Variants in KLHL32 observed in about 807,000 individuals in gnomAD.
KLHL32 encodes kelch like family member 32, also known as kelch-like protein 32.
KLHL32 carries 35 observed loss-of-function variants against 64.8 expected under a neutral mutation model. That is an observed-to-expected ratio of 0.54 (90% CI 0.41 to 0.72). The LOEUF is 0.72. Among genes scored for constraint, KLHL32 ranks in the 30% least tolerant of loss-of-function variants. The probability of loss-of-function intolerance (pLI) is 0.00; values close to 1 mark genes in which losing one functional copy is unlikely to be tolerated. For synonymous variants in KLHL32, 259 were observed against 281.0 expected (o/e 0.92, Z 0.78); for missense variants, 589 against 768.5 (o/e 0.77, Z 2.76).
chr6:96,898,153 T>C, the KLHL32 span, among the ~76,000 whole-genome samples: 2 of 152,216 alleles, frequency 1.3e-5, no homozygotes, highest in Non-Finnish European at 2.9e-5. Context: ...CCCCAGACTT[T>C]CTGATTTAAT....
chr6:97,122,934 A>G (rs888149746), intron 7 of KLHL32, among the ~76,000 whole-genome samples: 1 of 152,210 alleles, frequency 6.6e-6, no homozygotes, highest in Non-Finnish European at 1.5e-5. Flanking sequence ...AGAGAACTTG[A>G]GATGGTTTTC....
intron 1 of KLHL32, among the ~76,000 whole-genome samples, chr6:96,964,170 TGAG>T (rs10566984): frequency 0.2 from 30,038 of 151,910 alleles, 3,179 homozygotes; most frequent in African/African-American, 0.27. Context: ...TTCTGGATTC[TGAG>T]GAGGGGAACT....
At chr6:97,025,017 T>C (rs756598422) in intron 3 of KLHL32, 350 of 985,182 alleles carry the variant, frequency 3.6e-4, no homozygotes, top group Non-Finnish European at 4.1e-4. Context: ...CTCAGCTTCA[T>C]CCAAAAGAAG....
chr6:97,136,818 A>G (rs1800072232), intron 10 of KLHL32, among the ~76,000 whole-genome samples: 1 of 152,208 alleles, frequency 6.6e-6, no homozygotes, highest in Admixed American at 6.5e-5. Context: ...TCTGCTTAAC[A>G]TATGCAGTCT....
chr6:97,127,125 C>T (rs1055037954), intron 7 of KLHL32, among the ~76,000 whole-genome samples: 2 of 152,170 alleles, frequency 1.3e-5, no homozygotes, highest in East Asian at 3.8e-4. Context: ...ATACTTTGCC[C>T]CTCATTCTGG....
intron 1 of KLHL32, among the ~76,000 whole-genome samples, chr6:96,957,511 A>G (rs1176542553): frequency 6.6e-6 from 1 of 152,222 alleles, no homozygotes; most frequent in Non-Finnish European, 1.5e-5. Context: ...GAAGATGAAT[A>G]ATTTATTTTA....
At chr6:97,059,051 G>A (rs1250797162) in intron 4 of KLHL32, among the ~76,000 whole-genome samples, 2 of 152,190 alleles carry the variant, frequency 1.3e-5, no homozygotes, top group Non-Finnish European at 2.9e-5. Context: ...CTGTCAGCAA[G>A]TGTAGGAGCC....
intron 2 of KLHL32, among the ~76,000 whole-genome samples, chr6:96,970,769 C>CT (rs1775020313): frequency 6.6e-6 from 1 of 152,106 alleles, no homozygotes; most frequent in East Asian, 1.9e-4. Context: ...ATCTTCTTTG[C>CT]TTATTACTAT....
chr6:97,102,629 G>C (rs1795871940), intron 6 of KLHL32, among the ~76,000 whole-genome samples: 1 of 152,082 alleles, frequency 6.6e-6, no homozygotes, highest in South Asian at 2.1e-4. Context: ...TTGGCTCAGA[G>C]ACTATGATCA....
chr6:97,005,553 T>G (rs1234944082), intron 3 of KLHL32, among the ~76,000 whole-genome samples: 1 of 152,186 alleles, frequency 6.6e-6, no homozygotes, highest in Non-Finnish European at 1.5e-5. Context: ...CTTTTCCTAT[T>G]TCTTCTAGGT....
At chr6:96,940,371 T>C (rs1379999918) in intron 1 of KLHL32, among the ~76,000 whole-genome samples, 1 of 152,106 alleles carries the variant, frequency 6.6e-6, no homozygotes, top group Non-Finnish European at 1.5e-5. Flanking sequence ...AAAATAAGTG[T>C]AGCCAGAGAG....
intron 10 of KLHL32, among the ~76,000 whole-genome samples, chr6:97,133,115 T>G (rs1046909008): frequency 6.6e-6 from 1 of 152,222 alleles, no homozygotes; most frequent in African/African-American, 2.4e-5. Flanking sequence ...CATTGCCTTA[T>G]TTTCTATATT....
chr6:96,971,701 G>A (rs772197899), intron 2 of KLHL32, among the ~76,000 whole-genome samples: 1 of 152,056 alleles, frequency 6.6e-6, no homozygotes, highest in Non-Finnish European at 1.5e-5. Flanking sequence ...GCAGCCTGAC[G>A]GGGGTTGCCT....
chr6:97,107,724 A>G (rs1041540124), intron 6 of KLHL32, among the ~76,000 whole-genome samples: 2 of 152,262 alleles, frequency 1.3e-5, no homozygotes, highest in Non-Finnish European at 2.9e-5. Flanking sequence ...TAAAGGCCTT[A>G]TAAGAAAGCC....
chr6:97,034,745 A>G (rs1054760881), intron 3 of KLHL32, among the ~76,000 whole-genome samples: 2 of 151,610 alleles, frequency 1.3e-5, no homozygotes, highest in African/African-American at 4.8e-5. Context: ...ATGCCTAAGT[A>G]TTTTCTTTGT....
chr6:96,936,051 G>T (rs1770556710), intron 1 of KLHL32, among the ~76,000 whole-genome samples: 1 of 152,176 alleles, frequency 6.6e-6, no homozygotes, highest in Non-Finnish European at 1.5e-5. Context: ...GAATCACTCA[G>T]GAGTGACTGA....
intron 3 of KLHL32, chr6:97,024,949 G>A (rs1353723887): frequency 1.0e-6 from 1 of 971,362 alleles, no homozygotes; most frequent in East Asian, 1.1e-4. Context: ...CTTTTATGCT[G>A]TTTTATTTAA....
At chr6:96,906,884 A>C in the KLHL32 span, among the ~76,000 whole-genome samples, 437 of 152,310 alleles carry the variant, frequency 2.9e-3, 4 homozygotes, top group African/African-American at 9.7e-3. Flanking sequence ...AACCATGGGC[A>C]CAGTAGCTCT....
chr6:97,087,011 G>T (rs1194114930), intron 6 of KLHL32, among the ~76,000 whole-genome samples: 1 of 152,192 alleles, frequency 6.6e-6, no homozygotes, highest in African/African-American at 2.4e-5. Context: ...ATGGCTGAGT[G>T]TCAAGAAAAT....
Sources: allele counts gnomAD v4.1 joint callset (sites outside exome capture counted in the v4.1 genomes callset), GRCh38; gene constraint gnomAD v4.1.1; transcripts MANE v1.5; gene names NCBI Gene and HGNC (gene_info 2026-07-23, HGNC 2026-07-21).